IRGM: variants seen among roughly 807,000 people sequenced by gnomAD.
IRGM encodes the protein immunity-related GTPase family M protein.
For synonymous variants in IRGM, 98 were observed against 80.6 expected, an observed-to-expected ratio of 1.22 and a Z score of -1.16; for missense variants, 288 against 219.9, an observed-to-expected ratio of 1.31 and a Z score of -1.96.
At chr5:150,865,268 G>A (rs1387029549) in intron 1 of IRGM, among the ~76,000 whole-genome samples, 1 of 152,064 alleles carries the variant, frequency 6.6e-6, no homozygotes, top group Non-Finnish European at 1.5e-5. Context: ...AGGAAAAATA[G>A]AATATTAAAG....
intron 3 of IRGM, among the ~76,000 whole-genome samples, chr5:150,898,793 G>A (rs1159009266): frequency 6.6e-6 from 1 of 151,928 alleles, no homozygotes; most frequent in African/African-American, 2.4e-5. Flanking sequence ...AAATAACTGG[G>A]AGGAAGATGG....
At chr5:150,865,570 A>G (rs1017458116) in intron 1 of IRGM, among the ~76,000 whole-genome samples, 2 of 152,228 alleles carry the variant, frequency 1.3e-5, no homozygotes, top group African/African-American at 4.8e-5. Context: ...TTATTGCCCT[A>G]CTTACACTGG....
At chr5:150,864,469 C>T (rs1219682690) in intron 1 of IRGM, among the ~76,000 whole-genome samples, 1 of 152,202 alleles carries the variant, frequency 6.6e-6, no homozygotes, top group Non-Finnish European at 1.5e-5. Flanking sequence ...TTAAACATTA[C>T]TTCCTAACAG....
At chr5:150,901,491 C>G (rs763815429), downstream of IRGM, among the ~76,000 whole-genome samples, 8 of 151,884 alleles carry the variant, frequency 5.3e-5, no homozygotes, top group Non-Finnish European at 1.2e-4. Flanking sequence ...TATTAGACAG[C>G]ACGGCTCTAA....
intron 3 of IRGM, among the ~76,000 whole-genome samples, chr5:150,892,478 G>A (rs958793128): frequency 6.6e-6 from 1 of 152,036 alleles, no homozygotes; most frequent in Non-Finnish European, 1.5e-5. Flanking sequence ...GTGCAGTTTT[G>A]AGATCTTCTA....
chr5:150,874,890 C>CTGA (rs1396032471), intron 1 of IRGM, among the ~76,000 whole-genome samples: 1 of 152,156 alleles, frequency 6.6e-6, no homozygotes, highest in Non-Finnish European at 1.5e-5. Flanking sequence ...TTGGTGGAAA[C>CTGA]TGAACATTTG....
chr5:150,858,760 T>C (rs1313108632), intron 1 of IRGM, among the ~76,000 whole-genome samples: 1 of 152,188 alleles, frequency 6.6e-6, no homozygotes, highest in Non-Finnish European at 1.5e-5. Context: ...TGCTTGTAAT[T>C]TTTGTACATT....
intron 3 of IRGM, chr5:150,895,617 C>A: frequency 6.2e-7 from 1 of 1,613,260 alleles, no homozygotes; most frequent in Non-Finnish European, 8.5e-7. Context: ...TGTATGAATT[C>A]GCTGGTGTCC....
rs1753919840 is a variant in IRGM, at chr5:150,848,484, G to A, written c.361G>A (p.Ala121Thr). The A allele has an allele frequency of 1.3e-6, 2 of 1,551,838 alleles. No homozygotes were observed. The highest frequency in any genetic ancestry group is 1.7e-6 in the Non-Finnish European group (2 of 1,146,976). ...NRYDFIMVASAQFSMNHVMLA... is the reference protein window; with the variant it reads ...NRYDFIMVASTQFSMNHVMLA... ...GTATGACTTCATCATGGTTGCATCT[G>A]CACAATTCAGCATGAATCATGTGAT... The change falls in exon 2 of 2, where the codon GCA becomes ACA. Residue 121 changes from alanine to threonine, a missense_variant. Physicochemically the swap from Ala to Thr is moderately conservative, Grantham distance 58. Coordinates refer to ENST00000522154, the MANE Select transcript of IRGM (RefSeq NM_001145805.2).
chr5:150,897,880 A>G, intron 3 of IRGM: 1 of 644,756 alleles, frequency 1.6e-6, no homozygotes, highest in Non-Finnish European at 2.5e-6. Flanking sequence ...AAACATATAT[A>G]TATACACACA....
At chr5:150,854,484 T>C (rs1754020283) in intron 1 of IRGM, among the ~76,000 whole-genome samples, 1 of 152,200 alleles carries the variant, frequency 6.6e-6, no homozygotes, top group South Asian at 2.1e-4. Context: ...ACACTGATTA[T>C]AGTGGAGGAC....
chr5:150,862,740 A>G (rs1754153720), intron 1 of IRGM, among the ~76,000 whole-genome samples: 1 of 152,174 alleles, frequency 6.6e-6, no homozygotes, highest in Admixed American at 6.5e-5. Flanking sequence ...AGTATAATTT[A>G]TCTAAAGTTG....
chr5:150,895,045 T>C (rs1222359099), intron 3 of IRGM: 1 of 165,176 alleles, frequency 6.1e-6, no homozygotes, highest in Non-Finnish European at 1.3e-5. Flanking sequence ...TACTTAAGCT[T>C]TCTTCCACGT....
chr5:150,899,779 A>G (rs1754929020), intron 3 of IRGM, among the ~76,000 whole-genome samples: 1 of 152,180 alleles, frequency 6.6e-6, no homozygotes, highest in South Asian at 2.1e-4. Flanking sequence ...ATAGTTGTTA[A>G]CTAATAGCAG....
chr5:150,859,241 G>A (rs1417237287), intron 1 of IRGM, among the ~76,000 whole-genome samples: 9 of 152,158 alleles, frequency 5.9e-5, no homozygotes, highest in African/African-American at 1.2e-4. Flanking sequence ...ATTGATTTGT[G>A]TATGTTGAAC....
chr5:150,857,773 GTTGT>G (rs1413472824), intron 1 of IRGM, among the ~76,000 whole-genome samples: 3 of 152,142 alleles, frequency 2.0e-5, no homozygotes, highest in African/African-American at 4.8e-5. Flanking sequence ...TTTTGATGGG[GTTGT>G]TTGTTTTTTT....
intron 3 of IRGM, among the ~76,000 whole-genome samples, chr5:150,888,775 C>G (rs1754562217): frequency 6.6e-6 from 1 of 152,026 alleles, no homozygotes; most frequent in Non-Finnish European, 1.5e-5. Flanking sequence ...ATACCAGAAT[C>G]TCTGAGACAC....
chr5:150,901,592 G>A (rs1342844096), downstream of IRGM, among the ~76,000 whole-genome samples: 1 of 151,932 alleles, frequency 6.6e-6, no homozygotes, highest in Non-Finnish European at 1.5e-5. Context: ...TATACACAAG[G>A]ACTCCTAATG....
At chr5:150,856,924 ATTAT>A (rs779220358) in intron 1 of IRGM, among the ~76,000 whole-genome samples, 55 of 133,700 alleles carry the variant, frequency 4.1e-4, no homozygotes, top group Non-Finnish European at 5.6e-4. Context: ...TTTATTATTT[ATTAT>A]TTATTATTTT....
Sources: gnomAD v4.1 joint callset for allele counts (sites outside exome capture counted in the v4.1 genomes callset) on GRCh38, gnomAD v4.1.1 for gene constraint, MANE v1.5 for transcripts, NCBI Gene and HGNC (gene_info 2026-07-23, HGNC 2026-07-21) for gene names.